CHLSN: variants seen among roughly 807,000 people sequenced by gnomAD.
The protein encoded by CHLSN is cholesin.
At chr7:980,406 C>T in the CHLSN span, among the ~76,000 whole-genome samples, 1 of 152,250 alleles carries the variant, frequency 6.6e-6, no homozygotes, top group Non-Finnish European at 1.5e-5. Flanking sequence ...GCAGTTGGCA[C>T]ACGTCTCTGC....
At chr7:1,015,848 T>G in the CHLSN span, among the ~76,000 whole-genome samples, 1 of 152,124 alleles carries the variant, frequency 6.6e-6, no homozygotes, top group Non-Finnish European at 1.5e-5. Context: ...GGTCATCGAG[T>G]GCTGACCGCC....
the CHLSN span, among the ~76,000 whole-genome samples, chr7:1,100,920 G>A: frequency 5.3e-5 from 8 of 152,228 alleles, no homozygotes; most frequent in South Asian, 2.1e-4. Flanking sequence ...GGCCACAGAC[G>A]CAGGCACAGA....
At chr7:1,000,186 C>A in the CHLSN span, among the ~76,000 whole-genome samples, 2 of 152,178 alleles carry the variant, frequency 1.3e-5, no homozygotes, top group Non-Finnish European at 2.9e-5. Flanking sequence ...GCCCTGAGGG[C>A]GGCCCCTTCA....
At chr7:1,004,554 C>G in the CHLSN span, among the ~76,000 whole-genome samples, 1 of 152,208 alleles carries the variant, frequency 6.6e-6, no homozygotes, top group African/African-American at 2.4e-5. Flanking sequence ...AGACTTCAAG[C>G]CAAGCCCATC....
chr7:991,697 T>A, the CHLSN span, among the ~76,000 whole-genome samples: 1 of 152,218 alleles, frequency 6.6e-6, no homozygotes, highest in African/African-American at 2.4e-5. Flanking sequence ...TTGCTATTTT[T>A]AAAAATGGTG....
chr7:994,391 C>T, the CHLSN span, among the ~76,000 whole-genome samples: 4 of 151,748 alleles, frequency 2.6e-5, no homozygotes, highest in Non-Finnish European at 5.9e-5. Context: ...GAACTCCTGA[C>T]CTCATGATCC....
At chr7:1,058,136 G>C in the CHLSN span, 5 of 749,954 alleles carry the variant, frequency 6.7e-6, no homozygotes, top group Non-Finnish European at 1.2e-5. Flanking sequence ...TCTACGCGCT[G>C]GTGCTACTCT....
chr7:1,018,831 G>T, the CHLSN span, among the ~76,000 whole-genome samples: 12 of 152,158 alleles, frequency 7.9e-5, no homozygotes, highest in African/African-American at 2.7e-4. Context: ...TACCTCGGGG[G>T]TGGGTGATAG....
chr7:1,016,238 A>C, the CHLSN span, among the ~76,000 whole-genome samples: 1 of 81,390 alleles, frequency 1.2e-5, no homozygotes, highest in Non-Finnish European at 2.3e-5. Flanking sequence ...AGCACACAGC[A>C]GCACACAGCA....
the CHLSN span, among the ~76,000 whole-genome samples, chr7:999,138 AG>A: frequency 6.6e-6 from 1 of 152,230 alleles, no homozygotes; most frequent in Non-Finnish European, 1.5e-5. Context: ...TGCCTAACCA[AG>A]GATTATTTTT....
chr7:990,986 C>A, the CHLSN span, among the ~76,000 whole-genome samples: 1 of 151,928 alleles, frequency 6.6e-6, no homozygotes, highest in South Asian at 2.1e-4. Context: ...CCTTGTGCCC[C>A]CAACTTAGTC....
chr7:1,016,856 C>G, the CHLSN span, among the ~76,000 whole-genome samples: 2 of 47,090 alleles, frequency 4.2e-5, no homozygotes, highest in Admixed American at 2.5e-4. Context: ...CACACAGCAG[C>G]ACACAGCACA....
chr7:1,066,008 A>G, the CHLSN span, among the ~76,000 whole-genome samples: 1 of 152,160 alleles, frequency 6.6e-6, no homozygotes, highest in Non-Finnish European at 1.5e-5. Flanking sequence ...CGAGGACCAG[A>G]GCGCCTGGAC....
At chr7:1,036,400 C>A in the CHLSN span, among the ~76,000 whole-genome samples, 1 of 149,632 alleles carries the variant, frequency 6.7e-6, no homozygotes, top group Non-Finnish European at 1.5e-5. Flanking sequence ...CGTGCTGTGG[C>A]CGTGCAGGGC....
the CHLSN span, among the ~76,000 whole-genome samples, chr7:1,063,936 C>G: frequency 6.6e-6 from 1 of 152,206 alleles, no homozygotes; most frequent in Non-Finnish European, 1.5e-5. Context: ...AAGTCCCCAC[C>G]TGGAAGATGG....
At chr7:994,902 G>A in the CHLSN span, among the ~76,000 whole-genome samples, 1 of 152,250 alleles carries the variant, frequency 6.6e-6, no homozygotes, top group African/African-American at 2.4e-5. Flanking sequence ...CCCACGCTAA[G>A]TTTGGCCCCT....
chr7:991,230 A>C, the CHLSN span, among the ~76,000 whole-genome samples: 2 of 152,098 alleles, frequency 1.3e-5, no homozygotes, highest in African/African-American at 2.4e-5. Flanking sequence ...CCCTCAAAGC[A>C]CTAAGACAAT....
the CHLSN span, chr7:986,437 CA>C: frequency 3.1e-6 from 2 of 653,706 alleles, no homozygotes. Flanking sequence ...GGGACACGGA[CA>C]GGGGGTTTCC....
chr7:1,020,190 C>A, the CHLSN span, among the ~76,000 whole-genome samples: 1 of 152,232 alleles, frequency 6.6e-6, no homozygotes, highest in Non-Finnish European at 1.5e-5. Flanking sequence ...ACGACTGTTT[C>A]TTCCCACGCC....
Sources: allele counts gnomAD v4.1 joint callset (sites outside exome capture counted in the v4.1 genomes callset), GRCh38; gene constraint gnomAD v4.1.1; transcripts MANE v1.5; gene names NCBI Gene and HGNC (gene_info 2026-07-23, HGNC 2026-07-21).